The following PITRM1 variants were observed in gnomAD, a reference collection of about 807,000 sequenced individuals.
PITRM1 encodes presequence protease, mitochondrial.
Under a neutral mutation model 129.9 loss-of-function variants are expected in PITRM1, and 100 were observed. That is an observed-to-expected ratio of 0.77 (90% CI 0.65 to 0.91). The LOEUF is 0.91. Among genes scored for constraint, PITRM1 ranks in the 40% least tolerant of loss-of-function variants. The probability of loss-of-function intolerance (pLI) is 0.00; values close to 1 mark genes in which losing one functional copy is unlikely to be tolerated. For synonymous variants in PITRM1, 591 were observed against 508.8 expected (o/e 1.16, Z -2.17); for missense variants, 1,471 against 1,318.3 (o/e 1.12, Z -1.79).
chr10:3,171,685 C>T (rs1277261576), intron 1 of PITRM1, among the ~76,000 whole-genome samples: 4 of 152,178 alleles, frequency 2.6e-5, no homozygotes, highest in African/African-American at 7.2e-5. Context: ...GTGGTCTGCC[C>T]GCCTTGGCCT....
intron 23 of PITRM1, chr10:3,141,468 G>A (rs1252244953): frequency 4.3e-6 from 1 of 234,450 alleles, no homozygotes; most frequent in African/African-American, 2.3e-5. Context: ...TCAGAATATG[G>A]AAAGAAAGGA....
chr10:3,163,601 T>C (rs555177985), intron 7 of PITRM1, 124 bp downstream of exon 7: 10 of 855,010 alleles, frequency 1.2e-5, no homozygotes, highest in Non-Finnish European at 1.6e-5. Flanking sequence ...CCAAGAATCT[T>C]ACCTAGACTT....
In PITRM1 at chr10:3,147,246, C is replaced by A; in HGVS notation, c.2240G>T (p.Arg747Leu). Residue 747 changes from arginine to leucine, a missense_variant, in exon 20 of 27, where the codon CGG becomes CTG. Physicochemically the swap from Arg to Leu is moderately radical, Grantham distance 102 (BLOSUM62 -2). Transcript: ENST00000224949. Reference sequence around the variant, plus strand: ...CATTTCTGCAATCCTCTTCATCAGCCGCACCTAAGCCAGAGGAAACTCGCT... The same window carrying A: ...CATTTCTGCAATCCTCTTCATCAGCAGCACCTAAGCCAGAGGAAACTCGCT... ...QETFSGMDQV[R>L]LMKRIAEMTD... is the part of the protein sequence containing the mutation. 6.2e-7 allele frequency: 1 copy of A among 1,610,802 alleles called. No homozygotes were observed.
rs372248770 is a variant in PITRM1, at chr10:3,138,935, G to A, written c.2886C>T (p.Thr962=). 244 of 1,613,854 alleles carry A rather than the reference G, an allele frequency of 1.5e-4. No homozygotes were observed. Among genetic ancestry groups the A allele is most frequent in the Non-Finnish European group, 1.9e-4 (224 of 1,179,772 alleles). ...CTGAAGGAGCGACAGGAGCATCTAC[G>A]GTTGAGAAGACAGAAAGTTTGGCTT... ...IDEAKLSVFS[T]VDAPVAPSDK... Residue 962 remains threonine (T), a synonymous_variant, in exon 25 of 27, where the codon ACC becomes ACT. Coordinates refer to ENST00000224949, the MANE Select transcript of PITRM1 (RefSeq NM_014889.4).
chr10:3,148,315 C>A (rs1841131572), intron 16 of PITRM1, 24 bp from the exon 17 acceptor site: 1 of 1,576,012 alleles, frequency 6.3e-7, no homozygotes, highest in African/African-American at 1.4e-5. Context: ...GAAGCATCGC[C>A]CCGATTACAA....
In PITRM1 at chr10:3,149,641, G is replaced by A. The variant is rs1406914539; in HGVS notation, c.1851C>T (p.Leu617=). Residue 617 remains leucine (L), a synonymous_variant, in exon 16 of 27, where the codon CTC becomes CTT. Coordinates refer to ENST00000224949, the MANE Select transcript of PITRM1 (RefSeq NM_014889.4). ...LPEELRPYVP[L]FCSVLTKLGC... is the part of the protein sequence containing the mutation. ...CGTACTTGGTGAGGACGCTGCAGAA[G>A]AGGGGCACATAGGGCCTCAGCTCCT... is the stretch of plus-strand genomic sequence containing the variant. 6.3e-7 allele frequency: 1 copy of A among 1,582,370 alleles called. No homozygotes were observed. The highest frequency in any genetic ancestry group is 8.6e-7 in the Non-Finnish European group (1 of 1,167,616).
rs1386535730 is a variant in PITRM1, at chr10:3,140,810, A to AGACT, written c.2646-2_2647dup (p.Leu883GlnfsTer3). 1 of 1,578,168 alleles carries AGACT rather than the reference A, an allele frequency of 6.3e-7. No individual in the cohort carries two copies. ...AGTCATCAAACGTGCAAGGATTTTA[A>AGACT]GACTGAAATGATTAAAAAATGCAAG... On this transcript the variant is annotated frameshift_variant and splice_region_variant, in exon 24 of 27. Transcript: ENST00000224949. LOFTEE classifies it high-confidence loss of function.
At chr10:3,153,480 G>A (rs2388554) in intron 14 of PITRM1, among the ~76,000 whole-genome samples, 30,521 of 152,020 alleles carry the variant, frequency 0.2, 3,216 homozygotes, top group East Asian at 0.32. Context: ...TCAGCTGGGC[G>A]TGGTGGTGGG....
chr10:3,161,851 GA>G (rs10567396), intron 7 of PITRM1, among the ~76,000 whole-genome samples: 6,542 of 136,350 alleles, frequency 0.048, 258 homozygotes, highest in East Asian at 0.16. Flanking sequence ...CAAGACTGGG[GA>G]AAAAAAAAAA....
In PITRM1 at chr10:3,148,234, G is replaced by T. The variant is rs369323219; in HGVS notation, c.1929C>A (p.Thr643=). 41 of 1,613,844 alleles carry T rather than the reference G, an allele frequency of 2.5e-5. No homozygotes were observed. Among genetic ancestry groups the T allele is most frequent in the African/African-American group, 9.3e-5 (7 of 74,928 alleles). The change falls in exon 17 of 27, where the codon ACC becomes ACA. Residue 643 remains threonine (T), a synonymous_variant. Transcript: ENST00000224949. ...CGTGGGGAGAAGCACTCATCCCTCC[G>T]GTCTTCAATTCTATCTGCTGAGCCT... is the stretch of plus-strand genomic sequence containing the variant. The part of the protein sequence containing the change: ...REQAQQIELK[T]GGMSASPHVL...
intron 9 of PITRM1, 30 bp from the exon 10 acceptor site, chr10:3,159,072 T>C (rs756505195): frequency 1.3e-6 from 2 of 1,588,144 alleles, no homozygotes; most frequent in Middle Eastern, 3.3e-4. Flanking sequence ...AACGGGGAGG[T>C]AAGAAAAGAG....
At chr10:3,168,472 G>A (rs1255535016) in intron 2 of PITRM1, among the ~76,000 whole-genome samples, 1 of 151,840 alleles carries the variant, frequency 6.6e-6, no homozygotes, top group Non-Finnish European at 1.5e-5. Flanking sequence ...ACTTTGGAAG[G>A]CCAAGGTGAT....
Position 3,157,437 on chromosome 10 carries a change from A to T in PITRM1, c.1345T>A (p.Ser449Thr), listed in dbSNP as rs753564218. The change falls in exon 12 of 27, where the codon TCA becomes ACA. Residue 449 changes from serine to threonine, a missense_variant and splice_region_variant. Transcript: ENST00000224949. ...AAAATTGTTGAGAGATCACTTACTG[A>T]TGTCAGCATCAGCCCAAAGCTGGTA... ...QSTSFGLMLT[S>T]YIASCWNHDG... 6.3e-7 allele frequency: 1 copy of T among 1,588,428 alleles called. No individual in the cohort carries two copies. The highest frequency in any genetic ancestry group is 8.6e-7 in the Non-Finnish European group (1 of 1,162,810).
intron 21 of PITRM1, chr10:3,145,369 T>A (rs1367538233): frequency 5.6e-6 from 3 of 537,724 alleles, no homozygotes; most frequent in African/African-American, 3.8e-5. Flanking sequence ...GGCACAGAAG[T>A]GAGCGCGGGA....
chr10:3,157,286 T>C (rs776547866), intron 12 of PITRM1, 149 bp downstream of exon 12: 2 of 640,460 alleles, frequency 3.1e-6, no homozygotes, highest in Non-Finnish European at 5.1e-6. Context: ...AAATAATGTT[T>C]AGGAAATAAC....
intron 15 of PITRM1, among the ~76,000 whole-genome samples, chr10:3,150,800 G>A (rs530011488): frequency 5.9e-5 from 9 of 152,284 alleles, no homozygotes; most frequent in African/African-American, 2.2e-4. Context: ...GACACGGCAG[G>A]GGGATAAACC....
intron 4 of PITRM1, among the ~76,000 whole-genome samples, chr10:3,165,894 G>A (rs1325187903): frequency 3.3e-5 from 5 of 152,140 alleles, no homozygotes; most frequent in African/African-American, 4.8e-5. Flanking sequence ...ACTGTTCATC[G>A]TCACCCTATC....
At chr10:3,160,060 A>T in intron 8 of PITRM1, 124 bp from the exon 9 acceptor site, 1 of 1,251,424 alleles carries the variant, frequency 8.0e-7, no homozygotes, top group African/African-American at 1.5e-5. Context: ...CCTTTCAAAC[A>T]AATTACCATT....
chr10:3,157,821 A>G (rs577140336), intron 11 of PITRM1, among the ~76,000 whole-genome samples: 1 of 152,372 alleles, frequency 6.6e-6, no homozygotes, highest in East Asian at 1.9e-4. Flanking sequence ...GCTGGGTGAC[A>G]AAGCGAGACC....
Sources: gnomAD v4.1 joint callset for allele counts (sites outside exome capture counted in the v4.1 genomes callset) on GRCh38, gnomAD v4.1.1 for gene constraint, MANE v1.5 for transcripts, NCBI Gene and HGNC (gene_info 2026-07-23, HGNC 2026-07-21) for gene names.